RGS7: variants seen among roughly 807,000 people sequenced by gnomAD.
RGS7 encodes regulator of G-protein signaling 7.
Under a neutral mutation model 81.1 loss-of-function variants are expected in RGS7, and 27 were observed. The ratio of observed to expected loss-of-function variants is 0.33; its 90% CI spans 0.25 to 0.46. The LOEUF is 0.46. Among genes scored for constraint, RGS7 ranks in the 20% least tolerant of loss-of-function variants. The probability of loss-of-function intolerance (pLI) is 1.00; values close to 1 mark genes in which losing one functional copy is unlikely to be tolerated. For synonymous variants in RGS7, 208 were observed against 207.7 expected, an observed-to-expected ratio of 1.00 and a Z score of -0.01; for missense variants, 396 against 607.4, an observed-to-expected ratio of 0.65 and a Z score of 3.66.
intron 17 of RGS7, 24 bp from the exon 18 acceptor site, chr1:240,800,745 G>A: frequency 7.0e-7 from 1 of 1,433,904 alleles, no homozygotes; most frequent in African/African-American, 1.4e-5. Flanking sequence ...TGTGTTGAAG[G>A]CTTTAGTTTG....
intron 9 of RGS7, among the ~76,000 whole-genome samples, chr1:240,846,968 C>T (rs1281975312): frequency 6.6e-6 from 1 of 152,150 alleles, no homozygotes; most frequent in Non-Finnish European, 1.5e-5. Flanking sequence ...CCTGAGCCTG[C>T]ATCACCAGGA....
chr1:241,175,914 C>T (rs1458857940), intron 2 of RGS7, among the ~76,000 whole-genome samples: 1 of 152,140 alleles, frequency 6.6e-6, no homozygotes, highest in East Asian at 1.9e-4. Context: ...AACAGCTAAA[C>T]ATTTAAAGAG....
chr1:241,143,042 C>T (rs563355003), intron 2 of RGS7, among the ~76,000 whole-genome samples: 2 of 152,174 alleles, frequency 1.3e-5, no homozygotes, highest in Non-Finnish European at 2.9e-5. Context: ...TAAAACATAA[C>T]AAGGGTCATC....
chr1:240,835,634 G>A (rs371220790), intron 9 of RGS7, among the ~76,000 whole-genome samples: 35 of 152,252 alleles, frequency 2.3e-4, no homozygotes, highest in Admixed American at 1.2e-3. Context: ...ACCTGTACAC[G>A]GATGTTTCTA....
intron 6 of RGS7, among the ~76,000 whole-genome samples, chr1:240,898,899 T>C (rs553504076): frequency 1.3e-5 from 2 of 152,306 alleles, no homozygotes; most frequent in East Asian, 1.9e-4. Flanking sequence ...AATCTCCCAT[T>C]ATTACTGTGT....
intron 3 of RGS7, among the ~76,000 whole-genome samples, chr1:241,019,119 G>A (rs1357989355): frequency 6.6e-6 from 1 of 152,134 alleles, no homozygotes; most frequent in East Asian, 1.9e-4. Context: ...GCCCCCAGGA[G>A]TGACTCACTC....
rs1558203050 is a variant in RGS7, at chr1:241,220,981, GGA to G, written c.79-122221_79-122220del. Among the ~76,000 whole-genome samples the G allele has an allele frequency of 3.2e-3, 178 of 55,392 alleles. 2 individuals carry two copies. The highest frequency in any genetic ancestry group is 0.017 in the Middle Eastern group (2 of 120). 36.3% of individuals were successfully genotyped at this position (55,392 alleles called of 152,430 possible). A position where few individuals can be genotyped will look rare whatever the true frequency, so the allele number is the denominator to read the frequency against. On this transcript the variant is annotated intron_variant, in intron 2 of 18. Coordinates refer to ENST00000440928, the MANE Select transcript of RGS7 (RefSeq NM_001364886.1). ...AGGAAGGAAGGAAGGAAGGAAGGAAGGAAGGAAGGAAGGAAGAGAGAGAGAAA... is the reference window on the plus strand; with the variant it reads ...AGGAAGGAAGGAAGGAAGGAAGGAAGAGGAAGGAAGGAAGAGAGAGAGAAA...
chr1:240,851,307 C>A (rs573639749), intron 9 of RGS7, among the ~76,000 whole-genome samples: 4 of 152,168 alleles, frequency 2.6e-5, no homozygotes, highest in East Asian at 1.9e-4. Context: ...AATGAAACAA[C>A]AAATCCTGGA....
intron 2 of RGS7, among the ~76,000 whole-genome samples, chr1:241,101,151 C>T (rs1039544654): frequency 3.3e-5 from 5 of 152,182 alleles, no homozygotes; most frequent in Non-Finnish European, 5.9e-5. Flanking sequence ...GTGACCCCTA[C>T]GTGCCTGTCT....
At chr1:240,927,651 C>A (rs74870990) in intron 6 of RGS7, among the ~76,000 whole-genome samples, 1,545 of 152,232 alleles carry the variant, frequency 0.01, 20 homozygotes, top group African/African-American at 0.036. Context: ...GGTACAGACA[C>A]GTATGGTGTC....
chr1:240,942,679 G>C (rs1471904597), intron 4 of RGS7, among the ~76,000 whole-genome samples: 1 of 152,098 alleles, frequency 6.6e-6, no homozygotes, highest in Non-Finnish European at 1.5e-5. Flanking sequence ...GAAGACAAAG[G>C]TAAGTTACTT....
chr1:240,792,421 C>T (rs1386746999), intron 18 of RGS7, among the ~76,000 whole-genome samples: 1 of 151,352 alleles, frequency 6.6e-6, no homozygotes, highest in African/African-American at 2.4e-5. Context: ...GATGATGGCC[C>T]ACGTGTAGAT....
chr1:241,255,974 AG>A (rs1245929798), intron 2 of RGS7, among the ~76,000 whole-genome samples: 5 of 152,206 alleles, frequency 3.3e-5, no homozygotes, highest in Admixed American at 2.6e-4. Flanking sequence ...GAAAGAAATA[AG>A]ACTGAGAAGT....
intron 18 of RGS7, among the ~76,000 whole-genome samples, chr1:240,777,294 T>C (rs552452770): frequency 6.0e-5 from 9 of 150,666 alleles, no homozygotes; most frequent in South Asian, 2.1e-4. Flanking sequence ...AAAAAAAAAA[T>C]AGAAATTTGA....
intron 5 of RGS7, among the ~76,000 whole-genome samples, chr1:240,936,188 G>GA (rs1232359409): frequency 6.6e-6 from 1 of 152,198 alleles, no homozygotes; most frequent in Non-Finnish European, 1.5e-5. Context: ...CTAGGATGCT[G>GA]AGAGTTTATT....
At chr1:241,057,640 A>C (rs542669574) in intron 3 of RGS7, among the ~76,000 whole-genome samples, 1 of 152,088 alleles carries the variant, frequency 6.6e-6, no homozygotes, top group Non-Finnish European at 1.5e-5. Context: ...ATAGCTGGGC[A>C]TGGTGGCTCA....
At chr1:240,917,253 T>C (rs1558462548) in intron 6 of RGS7, among the ~76,000 whole-genome samples, 3 of 152,114 alleles carry the variant, frequency 2.0e-5, no homozygotes, top group Non-Finnish European at 4.4e-5. Context: ...AAAGAATGTT[T>C]AAAAACAGTT....
chr1:241,199,614 T>A (rs1573094223), intron 2 of RGS7, among the ~76,000 whole-genome samples: 1 of 142,838 alleles, frequency 7.0e-6, no homozygotes. Context: ...AGCCAAAACA[T>A]GTGAGGATTT....
At chr1:240,795,941 A>G (rs1187239260) in intron 18 of RGS7, among the ~76,000 whole-genome samples, 1 of 152,060 alleles carries the variant, frequency 6.6e-6, no homozygotes, top group Non-Finnish European at 1.5e-5. Context: ...TTTTTCTTTT[A>G]TTGTTATTAT....
Sources: allele counts gnomAD v4.1 joint callset (sites outside exome capture counted in the v4.1 genomes callset), GRCh38; gene constraint gnomAD v4.1.1; transcripts MANE v1.5; gene names NCBI Gene and HGNC (gene_info 2026-07-23, HGNC 2026-07-21).